The following CCAR1 variants were observed in gnomAD, a reference collection of about 807,000 sequenced individuals.
CCAR1 encodes cell division cycle and apoptosis regulator protein 1.
Under a neutral mutation model 163.8 loss-of-function variants are expected in CCAR1, and 78 were observed. The observed-to-expected ratio is 0.48, with a 90% CI of 0.40 to 0.57. The LOEUF (loss-of-function observed/expected upper bound fraction) is 0.57, where lower values mean the gene tolerates loss of function less well. Among genes scored for constraint, CCAR1 ranks in the 20% least tolerant of loss-of-function variants. The pLI is 0.00. For missense variants in CCAR1, 1,019 were observed against 1,365.2 expected (o/e 0.75, Z 4.00); for synonymous variants, 443 against 460.7 (o/e 0.96, Z 0.49).
chr10:68,745,377 C>G (rs2056239595), intron 6 of CCAR1, among the ~76,000 whole-genome samples: 1 of 151,966 alleles, frequency 6.6e-6, no homozygotes, highest in Non-Finnish European at 1.5e-5. Flanking sequence ...TCATAGCTCA[C>G]TGCAGCCTCA....
chr10:68,773,975 C>T (rs2056632941), intron 19 of CCAR1, among the ~76,000 whole-genome samples: 1 of 152,052 alleles, frequency 6.6e-6, no homozygotes, highest in South Asian at 2.1e-4. Context: ...TCACCGCAAC[C>T]TCCGCCTCCC....
At chr10:68,729,636 A>G (rs1258615113) in intron 2 of CCAR1, among the ~76,000 whole-genome samples, 1 of 151,652 alleles carries the variant, frequency 6.6e-6, no homozygotes, top group East Asian at 1.9e-4. Context: ...TTTGAGACCA[A>G]TGTGGTGGCA....
intron 17 of CCAR1, 104 bp downstream of exon 17, chr10:68,766,183 G>T (rs943586975): frequency 2.6e-6 from 2 of 782,702 alleles, no homozygotes; most frequent in South Asian, 2.1e-5. Flanking sequence ...TTCGCTTTTC[G>T]TGGTTTTTTT....
At chr10:68,746,332 G>C (rs1279697153) in intron 6 of CCAR1, among the ~76,000 whole-genome samples, 1 of 151,112 alleles carries the variant, frequency 6.6e-6, no homozygotes, top group African/African-American at 2.4e-5. Flanking sequence ...GCTGGAGTGC[G>C]GTGGTGCGAT....
chr10:68,782,475 A>G (rs144195414), intron 19 of CCAR1, among the ~76,000 whole-genome samples: 204 of 152,238 alleles, frequency 1.3e-3, no homozygotes, highest in Middle Eastern at 3.4e-3. Flanking sequence ...AGCTAAGATC[A>G]TTGATGAAAA....
chr10:68,743,200 CT>C (rs567782298), intron 6 of CCAR1, among the ~76,000 whole-genome samples: 271 of 132,598 alleles, frequency 2.0e-3, no homozygotes, highest in Non-Finnish European at 2.5e-3. Flanking sequence ...TTTTCTTTTT[CT>C]TTTTTTTTTT....
At chr10:68,760,107 C>T (rs2056449675) in intron 15 of CCAR1, among the ~76,000 whole-genome samples, 1 of 151,882 alleles carries the variant, frequency 6.6e-6, no homozygotes, top group Admixed American at 6.6e-5. Flanking sequence ...GCTAGGATTA[C>T]AGGCACGAGC....
chr10:68,764,618 CTT>C, intron 16 of CCAR1, among the ~76,000 whole-genome samples: 1 of 152,196 alleles, frequency 6.6e-6, no homozygotes, highest in South Asian at 2.1e-4. Flanking sequence ...CATCCAGTCT[CTT>C]TTTGGATTGG....
intron 16 of CCAR1, 29 bp downstream of exon 16, chr10:68,761,221 A>G (rs533635322): frequency 1.6e-5 from 22 of 1,365,826 alleles, no homozygotes; most frequent in African/African-American, 1.0e-4. Flanking sequence ...ATTATACTCT[A>G]TGGTATTAAT....
rs772488840 is a variant in CCAR1 at position 68,742,372 on chromosome 10, A to G, written c.325-4A>G. 2 of 1,577,258 alleles carry G rather than the reference A, an allele frequency of 1.3e-6. No individual in the cohort carries two copies. Among genetic ancestry groups the G allele is most frequent in the Non-Finnish European group, 1.7e-6 (2 of 1,160,282 alleles). On this transcript the variant is annotated splice_region_variant and splice_polypyrimidine_tract_variant and intron_variant, in intron 5 of 24. Transcript: ENST00000265872. ...CTTAATTTGATGTTGATTTTGTTTT[A>G]TAGCCAGCTGTTGCACTGCCTACAA...
chr10:68,725,135 C>T (rs930692024), intron 2 of CCAR1, among the ~76,000 whole-genome samples: 1 of 150,350 alleles, frequency 6.7e-6, no homozygotes, highest in Non-Finnish European at 1.5e-5. Flanking sequence ...AGAGAAACTC[C>T]GTCTCAAAAA....
chr10:68,765,898 G>A lies in CCAR1; in HGVS notation c.2117G>A (p.Arg706Lys), dbSNP rs768924827. 1 of 1,611,168 alleles carries A rather than the reference G, an allele frequency of 6.2e-7. No homozygotes were observed. The highest frequency in any genetic ancestry group is 1.1e-5 in the South Asian group (1 of 90,462). Residue 706 changes from arginine to lysine, a missense_variant, in exon 17 of 25, where the codon AGG (arginine) becomes AAG (lysine). This residue lies in a region of CCAR1 where 644 missense variants were observed against 904.4 expected (regional missense o/e 0.71). Coordinates refer to ENST00000265872, the MANE Select transcript of CCAR1 (RefSeq NM_018237.4). ...ATTTGAAATATTTAGGAAGAAGAAAGGAAACGTCAAGAGGAAATAGAACGC... is the reference window on the plus strand; with the variant it reads ...ATTTGAAATATTTAGGAAGAAGAAAAGAAACGTCAAGAGGAAATAGAACGC... ...KSEDDKEEEE[R>K]KRQEEIERQR...
intron 23 of CCAR1, 137 bp downstream of exon 23, chr10:68,788,465 A>G (rs1190123753): frequency 3.9e-6 from 2 of 508,702 alleles, no homozygotes; most frequent in Admixed American, 4.2e-5. Context: ...CGAAGTACAT[A>G]AGGAACTTTT....
At chr10:68,735,398 T>G (rs2056096117) in intron 2 of CCAR1, among the ~76,000 whole-genome samples, 1 of 134,922 alleles carries the variant, frequency 7.4e-6, no homozygotes. Flanking sequence ...TTTTCCAATA[T>G]TGAGAGGTAG....
At chr10:68,786,066 T>C in intron 19 of CCAR1, 70 bp from the exon 20 acceptor site, 1 of 993,532 alleles carries the variant, frequency 1.0e-6, no homozygotes, top group Non-Finnish European at 1.6e-6. Context: ...ATAACAGTCA[T>C]GTGCCACTGT....
At position 68,736,988 on chromosome 10, in the gene CCAR1, G is replaced by C. The variant is rs760417286; in HGVS notation, c.186G>C (p.Gln62His). The change falls in exon 3 of 25, where the codon CAG (glutamine) becomes CAC (histidine). Residue 62 changes from glutamine (Q) to histidine (H), a missense_variant. By Grantham distance (24) the Gln-to-His change is conservative. Around this residue, in one of 4 missense-constraint regions of CCAR1, gnomAD observed 644 missense variants for 904.4 expected, o/e 0.71. Coordinates refer to ENST00000265872, the MANE Select transcript of CCAR1 (RefSeq NM_018237.4). ...CCACACAAACTCCAGCAAACTATCA[G>C]TTAACACAAACTGCTGCATTGCAGC... The part of the protein sequence containing the change: ...GLTTQTPANY[Q>H]LTQTAALQQQ... 2 of 1,614,000 alleles carry C rather than the reference G, an allele frequency of 1.2e-6. No homozygotes were observed. Among genetic ancestry groups the C allele is most frequent in the South Asian group, 2.2e-5 (2 of 91,078 alleles).
At position 68,723,153 on chromosome 10, in the gene CCAR1, G is replaced by GCT. The variant is rs377006816; in HGVS notation, c.73+579_73+580dup. 2.8e-3 allele frequency among the ~76,000 whole-genome samples: 404 copies of GCT among 145,592 alleles called. 2 individuals are homozygous for GCT. Among genetic ancestry groups the GCT allele is most frequent in the African/African-American group, 9.8e-3 (388 of 39,438 alleles). The stretch of plus-strand genomic sequence containing the variant: ...TTATTTATTTATTTTTTTGAGTCTT[G>GCT]CTCTGTCGCCCAGGCTGGAGTGCAG... On this transcript the variant is annotated intron_variant, in intron 2 of 24. Coordinates refer to ENST00000265872, the MANE Select transcript of CCAR1 (RefSeq NM_018237.4).
intron 19 of CCAR1, among the ~76,000 whole-genome samples, chr10:68,774,697 A>G (rs920006993): frequency 3.9e-5 from 6 of 152,092 alleles, no homozygotes; most frequent in African/African-American, 9.7e-5. Flanking sequence ...AAGAGTACAT[A>G]TAGAGTTTAA....
At chr10:68,779,688 C>T (rs1369089216) in intron 19 of CCAR1, among the ~76,000 whole-genome samples, 1 of 152,112 alleles carries the variant, frequency 6.6e-6, no homozygotes, top group East Asian at 1.9e-4. Flanking sequence ...CTTTTCTGAA[C>T]AGAAATTTGG....
Sources: allele counts gnomAD v4.1 joint callset (sites outside exome capture counted in the v4.1 genomes callset), GRCh38; gene constraint gnomAD v4.1.1; regional missense constraint gnomAD v4.1.1; transcripts MANE v1.5; gene names NCBI Gene and HGNC (gene_info 2026-07-23, HGNC 2026-07-21).